Variants in ALDH3B1 observed in about 807,000 individuals in gnomAD.
ALDH3B1 encodes the protein aldehyde dehydrogenase family 3 member B1.
Under a neutral mutation model 46.2 loss-of-function variants are expected in ALDH3B1, and 37 were observed. The ratio of observed to expected loss-of-function variants is 0.80; its 90% CI spans 0.62 to 1.05. ALDH3B1 has a LOEUF of 1.05. Ranked by LOEUF, ALDH3B1 falls within the 50% of genes least tolerant of loss-of-function variation. The pLI, the probability that ALDH3B1 is intolerant of heterozygous loss-of-function variation, is 0.00. For synonymous variants in ALDH3B1, 283 were observed against 281.0 expected (o/e 1.01, Z -0.07); for missense variants, 603 against 665.5 (o/e 0.91, Z 1.03).
Position 68,012,358 on chromosome 11 carries a change from G to A in ALDH3B1, c.-2+1966G>A, listed in dbSNP as rs548624526. Among the ~76,000 whole-genome samples the A allele has an allele frequency of 3.9e-5, 6 of 152,324 alleles. No homozygotes were observed. In the South Asian group the frequency reaches 8.3e-4, roughly 21 times the overall value. ...ACCTGAGTATTGTTTTTAGAGGCCC[G>A]TGGCCTTGAGAGGAAGTGGCTGGTC... On this transcript the variant is annotated intron_variant, in intron 1 of 9. Transcript: ENST00000342456.
At chr11:68,026,162 G>A (rs1271285099) in intron 9 of ALDH3B1, 54 bp downstream of exon 9, 1 of 1,434,470 alleles carries the variant, frequency 7.0e-7, no homozygotes, top group African/African-American at 1.4e-5. Flanking sequence ...TTGCAATAGT[G>A]TTACCTGCAT....
chr11:68,028,381 C>G lies in ALDH3B1; in HGVS notation c.*442C>G, dbSNP rs1052143397. On this transcript the variant is annotated 3_prime_UTR_variant, in exon 10 of 10. Transcript: ENST00000342456. ...CATTTGTTCAGTGGAGAGAATTAAC[C>G]ATTGATACCTCCTGGCTGGGTGAGG... 1.8e-5 allele frequency: 6 copies of G among 339,184 alleles called. No individual in the cohort carries two copies. Among genetic ancestry groups the G allele is most frequent in the Non-Finnish European group, 3.5e-5 (6 of 170,312 alleles). The allele number at this position is 339,184 out of a possible 1,614,324, so 21.0% of individuals were successfully genotyped here. A position where few individuals can be genotyped will look rare whatever the true frequency, so the allele number is the denominator to read the frequency against.
At chr11:68,021,341 G>T in intron 6 of ALDH3B1, 144 bp from the exon 7 acceptor site, 2 of 1,218,420 alleles carry the variant, frequency 1.6e-6, no homozygotes, top group Non-Finnish European at 2.3e-6. Context: ...GCTGCAGGGT[G>T]GCAGTGAGGA....
chr11:68,009,262 G>C (rs531407677), upstream of ALDH3B1, among the ~76,000 whole-genome samples: 1 of 152,336 alleles, frequency 6.6e-6, no homozygotes, highest in African/African-American at 2.4e-5. Flanking sequence ...GTGGTGTGGA[G>C]GAACACGGAA....
rs1279869127 is a variant in ALDH3B1 at position 68,021,676 on chromosome 11, T to C, written c.754T>C (p.Cys252Arg). The C allele has an allele frequency of 2.5e-6, 4 of 1,613,966 alleles. No individual in the cohort carries two copies. Among genetic ancestry groups the C allele is most frequent in the African/African-American group, 1.3e-5 (1 of 75,024 alleles). Residue 252 changes from cysteine (C) to arginine (R), a missense_variant, in exon 7 of 10, where the codon TGC becomes CGC. Physicochemically the swap from Cys to Arg is radical, Grantham distance 180. Transcript: ENST00000342456. Reference protein sequence around the residue: ...QTCVAPDYVLCSPEMQERLLP... With the variant: ...QTCVAPDYVLRSPEMQERLLP... ...CTGCGTGGCCCCCGACTACGTCCTA[T>C]GCAGCCCTGAGATGCAGGAGAGGCT...
chr11:68,023,303 CT>C (rs34494820), intron 8 of ALDH3B1, among the ~76,000 whole-genome samples: 27,762 of 118,724 alleles, frequency 0.23, 2,766 homozygotes, highest in African/African-American at 0.39. Flanking sequence ...TCCACTTGAA[CT>C]TTTTTTTTTT....
At chr11:68,021,132 G>T (rs1857482076) in intron 6 of ALDH3B1, among the ~76,000 whole-genome samples, 1 of 152,206 alleles carries the variant, frequency 6.6e-6, no homozygotes, top group Admixed American at 6.5e-5. Flanking sequence ...TTCCAAAGGA[G>T]ATGGGTGGGG....
At chr11:68,021,374 C>A in intron 6 of ALDH3B1, 111 bp from the exon 7 acceptor site, 1 of 1,481,076 alleles carries the variant, frequency 6.8e-7, no homozygotes. Flanking sequence ...CAGGCGAGGG[C>A]TGCTGCCCGC....
rs376028917 is a variant in ALDH3B1, at chr11:68,022,702, G to A, written c.1057G>A (p.Glu353Lys). ...CGTGCAGAGCTTGGACGAGGCCATC[G>A]AGTTCATCAACCGGCGGGAGAAGCC... ...VNVQSLDEAI[E>K]FINRREKPLA... Residue 353 changes from glutamate to lysine, a missense_variant, in exon 8 of 10, where the codon GAG (glutamate) becomes AAG (lysine). Transcript: ENST00000342456. 46 of 1,614,062 alleles carry A rather than the reference G, an allele frequency of 2.8e-5. No individual in the cohort carries two copies. The highest frequency in any genetic ancestry group is 1.6e-4 in the East Asian group (7 of 44,898).
intron 2 of ALDH3B1, 126 bp from the exon 3 acceptor site, chr11:68,018,401 A>G (rs1857400487): frequency 2.6e-6 from 2 of 760,224 alleles, no homozygotes; most frequent in East Asian, 5.4e-5. Flanking sequence ...ACATGGAGTG[A>G]GTGAGTGAAC....
At chr11:68,025,240 C>A (rs1404826447) in intron 8 of ALDH3B1, 1 of 152,324 alleles carries the variant, frequency 6.6e-6, no homozygotes, top group African/African-American at 2.4e-5. Context: ...CTGCCACTGC[C>A]ATTGTGGGTA....
chr11:68,009,282 G>A (rs536504168), upstream of ALDH3B1, among the ~76,000 whole-genome samples: 8 of 152,360 alleles, frequency 5.3e-5, no homozygotes, highest in African/African-American at 9.6e-5. Flanking sequence ...AGCACAGGGC[G>A]CTGGGAGAGG....
chr11:68,026,564 A>C (rs2134402511), intron 9 of ALDH3B1, among the ~76,000 whole-genome samples: 1 of 150,476 alleles, frequency 6.6e-6, no homozygotes, highest in South Asian at 2.1e-4. Flanking sequence ...AGAGGCCCGG[A>C]TGAGTGCCAA....
intron 6 of ALDH3B1, among the ~76,000 whole-genome samples, chr11:68,020,409 A>G (rs1590777759): frequency 6.6e-6 from 1 of 151,472 alleles, no homozygotes; most frequent in East Asian, 1.9e-4. Context: ...AATTTTTTGT[A>G]TTTTTAGTAA....
At chr11:68,011,399 G>C (rs1216959062) in intron 1 of ALDH3B1, among the ~76,000 whole-genome samples, 1 of 152,222 alleles carries the variant, frequency 6.6e-6, no homozygotes, top group Non-Finnish European at 1.5e-5. Flanking sequence ...CTGCTTCCCG[G>C]AGAAACTGGT....
intron 2 of ALDH3B1, chr11:68,018,150 G>GCA (rs35256233): frequency 0.049 from 10,370 of 210,030 alleles, 912 homozygotes; most frequent in African/African-American, 0.2. Flanking sequence ...TGTAAAAACA[G>GCA]CACACACACA....
intron 1 of ALDH3B1, chr11:68,014,983 G>A (rs1019715294): frequency 9.4e-6 from 3 of 318,440 alleles, no homozygotes; most frequent in Admixed American, 9.6e-5. Flanking sequence ...TCACCCTCGG[G>A]GGCTGTGGTG....
Position 68,015,359 on chromosome 11 carries a change from G to A in ALDH3B1, c.62G>A (p.Arg21Gln), listed in dbSNP as rs757197449. 156 of 1,545,504 alleles carry A rather than the reference G, an allele frequency of 1.0e-4. No individual in the cohort carries two copies. Among genetic ancestry groups the A allele is most frequent in the Non-Finnish European group, 1.3e-4 (152 of 1,143,520 alleles). The part of the protein sequence containing the change: ...LREAFHAGRT[R>Q]PAEFRAAQLQ... ...GAGGCCTTCCACGCGGGGCGCACGCGGCCAGCTGAGTTCCGGGCTGCGCAG... is the reference window on the plus strand; with the variant it reads ...GAGGCCTTCCACGCGGGGCGCACGCAGCCAGCTGAGTTCCGGGCTGCGCAG... Residue 21 changes from arginine (R) to glutamine (Q), a missense_variant, in exon 2 of 10, where the codon CGG becomes CAG. Physicochemically the swap from Arg to Gln is conservative, Grantham distance 43. Coordinates refer to ENST00000342456, the MANE Select transcript of ALDH3B1 (RefSeq NM_000694.4).
intron 8 of ALDH3B1, chr11:68,025,123 G>A (rs1251053238): frequency 6.6e-6 from 1 of 152,178 alleles, no homozygotes; most frequent in Non-Finnish European, 1.5e-5. Flanking sequence ...ACCCAGAACT[G>A]ATCCCAGGAC....
Sources: gnomAD v4.1 joint callset for allele counts (sites outside exome capture counted in the v4.1 genomes callset) on GRCh38, gnomAD v4.1.1 for gene constraint, MANE v1.5 for transcripts, NCBI Gene and HGNC (gene_info 2026-07-23, HGNC 2026-07-21) for gene names.